NAALADL2: variants seen among roughly 807,000 people sequenced by gnomAD.
The protein encoded by NAALADL2 is inactive N-acetylated-alpha-linked acidic dipeptidase-like protein 2.
A neutral mutation model predicts 87.2 loss-of-function variants in NAALADL2; 76 were observed. That is an observed-to-expected ratio of 0.87 (90% CI 0.72 to 1.05). The LOEUF (loss-of-function observed/expected upper bound fraction) is 1.05. Among genes scored for constraint, NAALADL2 ranks in the 50% least tolerant of loss-of-function variants. The pLI is 0.00. For synonymous variants in NAALADL2, 354 were observed against 331.0 expected (o/e 1.07, Z -0.75); for missense variants, 1,089 against 945.8 (o/e 1.15, Z -1.99).
At chr3:175,727,361 G>A (rs540942946) in intron 11 of NAALADL2, among the ~76,000 whole-genome samples, 12 of 152,140 alleles carry the variant, frequency 7.9e-5, no homozygotes, top group Admixed American at 5.9e-4. Context: ...GTTTAACACT[G>A]TTTGCTAACA....
rs531745918 is a variant in NAALADL2, at chr3:174,725,414, G to A, written c.-114-12227G>A. On this transcript the variant is annotated intron_variant, in intron 2 of 3. Transcript: ENST00000434257. ...TGCTTCATATTTCATTGGTATTATA[G>A]GCTGTTTTTAGTGGGTCATCTTGAA... is the stretch of plus-strand genomic sequence containing the variant. Among the ~76,000 whole-genome samples the A allele has an allele frequency of 4.6e-5, 7 of 152,150 alleles. No individual in the cohort carries two copies. The South Asian group carries it at 1.0e-3, about 23-fold the overall frequency.
chr3:175,421,605 C>A (rs1197625240), intron 5 of NAALADL2, among the ~76,000 whole-genome samples: 1 of 151,950 alleles, frequency 6.6e-6, no homozygotes, highest in Non-Finnish European at 1.5e-5. Context: ...GAAGGGCAAA[C>A]AAATTAAAAT....
intron 9 of NAALADL2, among the ~76,000 whole-genome samples, chr3:175,504,054 T>C (rs1027858352): frequency 6.6e-6 from 1 of 152,216 alleles, no homozygotes; most frequent in African/African-American, 2.4e-5. Flanking sequence ...AAGGTTTTTA[T>C]AGTTTTAGGT....
chr3:175,644,733 T>C (rs1329156203), intron 11 of NAALADL2, among the ~76,000 whole-genome samples: 1 of 152,130 alleles, frequency 6.6e-6, no homozygotes, highest in Non-Finnish European at 1.5e-5. Context: ...CACATTTCCA[T>C]ATAAATGTAA....
chr3:175,469,342 A>T (rs1261976102), intron 8 of NAALADL2, among the ~76,000 whole-genome samples: 1 of 137,256 alleles, frequency 7.3e-6, no homozygotes, highest in Non-Finnish European at 1.5e-5. Flanking sequence ...AGAATGAAAG[A>T]GTTTATGTTA....
chr3:174,565,857 T>C (rs1202229465), intron 2 of NAALADL2, among the ~76,000 whole-genome samples: 4 of 152,068 alleles, frequency 2.6e-5, no homozygotes, highest in Non-Finnish European at 4.4e-5. Context: ...TGGATTTTAG[T>C]ATAACTAGAG....
intron 5 of NAALADL2, among the ~76,000 whole-genome samples, chr3:175,432,782 C>T (rs1245309216): frequency 1.3e-5 from 2 of 152,170 alleles, no homozygotes; most frequent in Middle Eastern, 3.4e-3. Flanking sequence ...CTTATTTTCC[C>T]ATGAAGAGAC....
intron 11 of NAALADL2, among the ~76,000 whole-genome samples, chr3:175,629,362 C>CTA (rs892176357): frequency 1.6e-4 from 21 of 135,462 alleles, no homozygotes; most frequent in African/African-American, 4.8e-4. Context: ...ATATACATTC[C>CTA]TATATATATA....
intron 1 of NAALADL2, among the ~76,000 whole-genome samples, chr3:175,076,341 A>G (rs1300558280): frequency 1.1e-5 from 1 of 88,330 alleles, no homozygotes; most frequent in Non-Finnish European, 2.4e-5. Flanking sequence ...TTTTTTTTTT[A>G]CTTTATTCTA....
At chr3:175,605,651 T>TGTTTTGTTTTTTG (rs1282718010) in intron 10 of NAALADL2, among the ~76,000 whole-genome samples, 6 of 146,444 alleles carry the variant, frequency 4.1e-5, no homozygotes, top group African/African-American at 1.5e-4. Flanking sequence ...TTTTTTTTTT[T>TGTTTTGTTTTTTG]TTTTTAACTG....
chr3:175,152,538 A>G (rs1302446300), intron 2 of NAALADL2, among the ~76,000 whole-genome samples: 2 of 152,200 alleles, frequency 1.3e-5, no homozygotes, highest in African/African-American at 4.8e-5. Context: ...AATATTATAC[A>G]GAAGTGAAAC....
chr3:174,487,293 A>T (rs1309529091), intron 1 of NAALADL2, among the ~76,000 whole-genome samples: 1 of 152,050 alleles, frequency 6.6e-6, no homozygotes, highest in African/African-American at 2.4e-5. Flanking sequence ...TGTCATTTGC[A>T]ACCTAGATGT....
intron 1 of NAALADL2, among the ~76,000 whole-genome samples, chr3:174,519,529 C>T (rs976233894): frequency 5.3e-5 from 8 of 151,878 alleles, no homozygotes; most frequent in Admixed American, 5.2e-4. Flanking sequence ...CAGGGTTTCT[C>T]CATCTTGGTC....
intron 3 of NAALADL2, among the ~76,000 whole-genome samples, chr3:175,250,596 A>C (rs1031882215): frequency 7.9e-5 from 12 of 152,180 alleles, no homozygotes; most frequent in African/African-American, 2.9e-4. Flanking sequence ...GTCTTTCTCT[A>C]GTGGCCACCA....
chr3:174,720,324 CACTG>C (rs1182701121), intron 2 of NAALADL2, among the ~76,000 whole-genome samples: 2 of 152,076 alleles, frequency 1.3e-5, no homozygotes, highest in African/African-American at 2.4e-5. Context: ...GAGGAAAAGA[CACTG>C]ACATGGCCAT....
chr3:174,728,664 A>T (rs573963743), intron 2 of NAALADL2, among the ~76,000 whole-genome samples: 3 of 152,142 alleles, frequency 2.0e-5, no homozygotes, highest in South Asian at 4.1e-4. Flanking sequence ...TTCCCATTTC[A>T]CATATGAGGA....
chr3:175,438,549 G>C (rs888275071), intron 5 of NAALADL2, among the ~76,000 whole-genome samples: 1 of 152,050 alleles, frequency 6.6e-6, no homozygotes, highest in Non-Finnish European at 1.5e-5. Context: ...AAGTGCAGCA[G>C]AAAATGTGTT....
chr3:174,969,836 A>G (rs918584177), intron 1 of NAALADL2, among the ~76,000 whole-genome samples: 1 of 152,204 alleles, frequency 6.6e-6, no homozygotes, highest in Non-Finnish European at 1.5e-5. Context: ...CAGTAGCAGA[A>G]GACAGAAAAT....
At chr3:175,305,517 T>A (rs1222124208) in intron 4 of NAALADL2, among the ~76,000 whole-genome samples, 1 of 152,086 alleles carries the variant, frequency 6.6e-6, no homozygotes, top group Non-Finnish European at 1.5e-5. Flanking sequence ...CTTTATCTTT[T>A]TCTTTTTCTT....
Sources: gnomAD v4.1 joint callset for allele counts (sites outside exome capture counted in the v4.1 genomes callset) on GRCh38, gnomAD v4.1.1 for gene constraint, MANE v1.5 for transcripts, NCBI Gene and HGNC (gene_info 2026-07-23, HGNC 2026-07-21) for gene names.